The following RBFOX3 variants were observed in gnomAD, a reference collection of about 807,000 sequenced individuals.
RBFOX3 encodes RNA binding protein fox-1 homolog 3.
In RBFOX3, 17 loss-of-function variants were observed where a neutral mutation model predicts 48.7. The ratio of observed to expected loss-of-function variants is 0.35; its 90% CI spans 0.24 to 0.52. The LOEUF (loss-of-function observed/expected upper bound fraction) is 0.52. Ranked by LOEUF, RBFOX3 falls within the 20% of genes least tolerant of loss-of-function variation. RBFOX3 has a pLI of 0.94. For synonymous variants in RBFOX3, 212 were observed against 209.5 expected, an observed-to-expected ratio of 1.01 and a Z score of -0.10; for missense variants, 382 against 497.5, an observed-to-expected ratio of 0.77 and a Z score of 2.21.
chr17:79,367,768 T>G, intron 2 of RBFOX3, among the ~76,000 whole-genome samples: 1 of 151,352 alleles, frequency 6.6e-6, no homozygotes, highest in African/African-American at 2.4e-5. Flanking sequence ...TTTTGGGGGG[T>G]CTCTGTGGCA....
rs943016855 is a variant in RBFOX3, at chr17:79,199,247, C to A, written c.-34+36519G>T. Among the ~76,000 whole-genome samples, 1 of 152,166 alleles carries A rather than the reference C, an allele frequency of 6.6e-6. No homozygotes were observed. Among genetic ancestry groups the A allele is most frequent in the African/African-American group, 2.4e-5 (1 of 41,428 alleles). On this transcript the variant is annotated intron_variant, in intron 4 of 14. Transcript: ENST00000693108. The surrounding 1 kb of genome is among the most constrained non-coding windows in gnomAD (Gnocchi z 5.1). ...GCCTTTCGAAAAGACCTCCCTAGCC[C>A]CCCACCCTCGGCAGCACCACCCACC...
intron 2 of RBFOX3, among the ~76,000 whole-genome samples, chr17:79,393,392 T>C (rs1200365464): frequency 6.6e-6 from 1 of 152,200 alleles, no homozygotes; most frequent in Non-Finnish European, 1.5e-5. Flanking sequence ...GAAGCAAGCC[T>C]CTCAGGGGAG....
upstream of RBFOX3, among the ~76,000 whole-genome samples, chr17:79,611,310 G>A (rs1205260963): frequency 7.4e-6 from 1 of 135,196 alleles, no homozygotes; most frequent in East Asian, 2.0e-4. Context: ...CGCAGCGCGC[G>A]GCATGGGAGG....
intron 1 of RBFOX3, among the ~76,000 whole-genome samples, chr17:79,496,283 G>A (rs1170007872): frequency 2.6e-5 from 4 of 151,962 alleles, no homozygotes; most frequent in Non-Finnish European, 4.4e-5. Flanking sequence ...AATGACCAGC[G>A]CTCCTAAAGG....
intron 2 of RBFOX3, among the ~76,000 whole-genome samples, chr17:79,396,587 T>C (rs1456283214): frequency 6.6e-6 from 1 of 152,052 alleles, no homozygotes; most frequent in African/African-American, 2.4e-5. Context: ...CACCCTGCTC[T>C]CTAAGTGGGA....
chr17:79,193,196 T>G (rs1303899271), intron 4 of RBFOX3, among the ~76,000 whole-genome samples: 1 of 152,170 alleles, frequency 6.6e-6, no homozygotes, highest in Non-Finnish European at 1.5e-5. Flanking sequence ...TGGTCCGTGT[T>G]GCAATTTGGG....
rs561781503 is a variant in RBFOX3, at chr17:79,250,245, C to T, written c.-73-14440G>A. Among the ~76,000 whole-genome samples the T allele has an allele frequency of 1.4e-4, 21 of 152,320 alleles. No individual in the cohort carries two copies. In the Middle Eastern group the frequency reaches 0.014, roughly 99 times the overall value. On this transcript the variant is annotated intron_variant, in intron 3 of 14. Coordinates refer to ENST00000693108, the MANE Select transcript of RBFOX3 (RefSeq NM_001350451.2). Reference sequence around the variant, plus strand: ...ATCACACCCATGTCCCGGTGAACGTCCATCTGCAACTAACCCACATTGACA... The same window carrying T: ...ATCACACCCATGTCCCGGTGAACGTTCATCTGCAACTAACCCACATTGACA...
Position 79,360,232 on chromosome 17 carries a change from C to T in RBFOX3, c.-174-52408G>A, listed in dbSNP as rs1339212478. Among the ~76,000 whole-genome samples, 10 of 152,238 alleles carry T rather than the reference C, an allele frequency of 6.6e-5. No homozygotes were observed. In the East Asian group the frequency reaches 7.7e-4, roughly 12 times the overall value. On this transcript the variant is annotated intron_variant, in intron 2 of 14. Coordinates refer to ENST00000693108, the MANE Select transcript of RBFOX3 (RefSeq NM_001350451.2). The stretch of plus-strand genomic sequence containing the variant: ...CTAGCCCAGCTTCCCACCCTTACAA[C>T]GATATCGATATCTGAAGCAACCAAC...
chr17:79,495,576 GAT>G (rs1555774625), intron 1 of RBFOX3, among the ~76,000 whole-genome samples: 1 of 13,258 alleles, frequency 7.5e-5, no homozygotes, highest in Non-Finnish European at 2.5e-4. Flanking sequence ...CAGGGATGGG[GAT>G]GTGGGAAGGT....
At chr17:79,621,183 G>C in the RBFOX3 span, among the ~76,000 whole-genome samples, 2 of 152,002 alleles carry the variant, frequency 1.3e-5, no homozygotes, top group African/African-American at 4.8e-5. Context: ...ATTTTTAGTA[G>C]AGATGTGGTT....
intron 2 of RBFOX3, among the ~76,000 whole-genome samples, chr17:79,368,128 G>T (rs577994350): frequency 6.6e-6 from 1 of 152,208 alleles, no homozygotes; most frequent in South Asian, 2.1e-4. Context: ...CCTTTATTAC[G>T]CATTGGCCCT....
At chr17:79,461,755 A>G (rs1419865082) in intron 2 of RBFOX3, among the ~76,000 whole-genome samples, 3 of 152,238 alleles carry the variant, frequency 2.0e-5, no homozygotes, top group Non-Finnish European at 4.4e-5. Flanking sequence ...TGGGCCTCCA[A>G]TCCAATGACT....
chr17:79,150,545 G>A (rs373183094), intron 4 of RBFOX3, among the ~76,000 whole-genome samples: 70 of 152,264 alleles, frequency 4.6e-4, no homozygotes, highest in South Asian at 3.7e-3. Flanking sequence ...AGGTGGCCGC[G>A]CTGGCTCAAC....
intron 4 of RBFOX3, among the ~76,000 whole-genome samples, chr17:79,233,428 T>C (rs2061262330): frequency 6.6e-6 from 1 of 152,300 alleles, no homozygotes; most frequent in East Asian, 1.9e-4. Context: ...TCCATTATCT[T>C]GATTGTGGTG....
At position 79,168,836 on chromosome 17, in the gene RBFOX3, C is replaced by T. The variant is rs114745162; in HGVS notation, c.-33-53088G>A. On this transcript the variant is annotated intron_variant, in intron 4 of 14. Coordinates refer to ENST00000693108, the MANE Select transcript of RBFOX3 (RefSeq NM_001350451.2). ...CTGTCTTCCCGCTGGGCTTACATGC[C>T]GGGTGCGCCCTCGCCTGGCCCTGGG... Among the ~76,000 whole-genome samples, 757 of 147,628 alleles carry T rather than the reference C, an allele frequency of 5.1e-3. 5 individuals are homozygous for T. Among genetic ancestry groups the T allele is most frequent in the African/African-American group, 0.018 (668 of 37,824 alleles).
At chr17:79,404,048 G>T (rs1305198392) in intron 2 of RBFOX3, among the ~76,000 whole-genome samples, 1 of 152,168 alleles carries the variant, frequency 6.6e-6, no homozygotes, top group Admixed American at 6.5e-5. Context: ...AAAGTGCTGG[G>T]ATTACAGGCG....
chr17:79,244,634 C>T (rs2062869423), intron 3 of RBFOX3, among the ~76,000 whole-genome samples: 2 of 152,098 alleles, frequency 1.3e-5, no homozygotes, highest in African/African-American at 2.4e-5. Flanking sequence ...ATTGCTCTTC[C>T]ACGACTTCTC....
rs183266590 is a variant in RBFOX3, at chr17:79,390,836, A to T, written c.-174-83012T>A. On this transcript the variant is annotated intron_variant, in intron 2 of 14. Coordinates refer to ENST00000693108, the MANE Select transcript of RBFOX3 (RefSeq NM_001350451.2). This position sits in a 1 kb window ranked among gnomAD's most constrained non-coding sequence, Gnocchi z 4.2. ...GCATGGAGCATCTGAGAGTTGAGGC[A>T]GCGGAACCCCTCACCAGGAGGCACC... Among the ~76,000 whole-genome samples the T allele has an allele frequency of 3.2e-4, 49 of 152,318 alleles. No homozygotes were observed. The highest frequency in any genetic ancestry group is 1.4e-3 in the Admixed American group (22 of 15,294).
At chr17:79,379,415 G>C (rs929308318) in intron 2 of RBFOX3, among the ~76,000 whole-genome samples, 1 of 152,094 alleles carries the variant, frequency 6.6e-6, no homozygotes, top group African/African-American at 2.4e-5. Context: ...CCCCGTTTTC[G>C]TTTTGTTTTA....
Sources: allele counts gnomAD v4.1 joint callset (sites outside exome capture counted in the v4.1 genomes callset), GRCh38; gene constraint gnomAD v4.1.1; non-coding constraint Gnocchi (gnomAD v3.1); transcripts MANE v1.5; gene names NCBI Gene and HGNC (gene_info 2026-07-23, HGNC 2026-07-21).